Variants in ZFHX3 observed in about 807,000 individuals in gnomAD.
ZFHX3 encodes zinc finger homeobox protein 3.
A neutral mutation model predicts 279.1 loss-of-function variants in ZFHX3; 42 were observed. The observed-to-expected ratio is 0.15, with a 90% confidence interval of 0.12 to 0.19. ZFHX3 has a LOEUF of 0.19. Ranked by LOEUF, ZFHX3 falls within the 10% of genes least tolerant of loss-of-function variation. ZFHX3 has a pLI of 1.00. For missense variants in ZFHX3, 4,981 were observed against 4,754.0 expected (o/e 1.05, Z -1.40); for synonymous variants, 2,293 against 1,957.8 (o/e 1.17, Z -4.52).
At chr16:73,214,348 G>A (rs77956859) in intron 5 of ZFHX3, among the ~76,000 whole-genome samples, 6,216 of 152,218 alleles carry the variant, frequency 0.041, 416 homozygotes, top group African/African-American at 0.14. Context: ...GCTATGGGGT[G>A]CCCTGTATTT....
intron 3 of ZFHX3, among the ~76,000 whole-genome samples, chr16:73,368,920 A>T (rs917542009): frequency 2.0e-5 from 3 of 152,204 alleles, no homozygotes; most frequent in Non-Finnish European, 2.9e-5. Context: ...ACAGCTGATA[A>T]ATGGCACAGC....
chr16:73,608,821 T>A (rs2052217132), intron 2 of ZFHX3: 1 of 152,102 alleles, frequency 6.6e-6, no homozygotes, highest in Non-Finnish European at 1.5e-5. Flanking sequence ...AAGGTATTTT[T>A]AAAAAAACAA....
At chr16:73,369,840 TTCTCTCTC>T (rs141368995) in intron 3 of ZFHX3, among the ~76,000 whole-genome samples, 1 of 143,622 alleles carries the variant, frequency 7.0e-6, no homozygotes, top group African/African-American at 2.6e-5. Flanking sequence ...GGATGGTCCT[TTCTCTCTC>T]TCTCTCTCTC....
chr16:73,036,343 C>A (rs1220083934), intron 1 of ZFHX3, among the ~76,000 whole-genome samples: 1 of 152,198 alleles, frequency 6.6e-6, no homozygotes, highest in Non-Finnish European at 1.5e-5. Context: ...GAAGGCCGGT[C>A]CAGAGGCACA....
At chr16:73,558,772 G>A (rs1233967495) in intron 2 of ZFHX3, among the ~76,000 whole-genome samples, 3 of 146,000 alleles carry the variant, frequency 2.1e-5, no homozygotes. Context: ...GAGTTCAGTG[G>A]CACCATGTCG....
chr16:73,835,915 T>C (rs1961134943), intron 1 of ZFHX3, among the ~76,000 whole-genome samples: 1 of 152,210 alleles, frequency 6.6e-6, no homozygotes, highest in African/African-American at 2.4e-5. Flanking sequence ...TTACTACTTT[T>C]TCCACATCCT....
intron 8 of ZFHX3, among the ~76,000 whole-genome samples, chr16:73,084,305 T>A (rs1161589308): frequency 6.6e-6 from 1 of 152,112 alleles, no homozygotes; most frequent in African/African-American, 2.4e-5. Context: ...GTCAAATTAT[T>A]ACTGTTTGTA....
intron 1 of ZFHX3, among the ~76,000 whole-genome samples, chr16:73,026,036 T>A (rs1215300259): frequency 6.6e-6 from 1 of 151,728 alleles, no homozygotes; most frequent in Admixed American, 6.6e-5. Context: ...GTCTTGGCAG[T>A]CTCCGATAGG....
intron 3 of ZFHX3, among the ~76,000 whole-genome samples, chr16:73,383,877 T>C (rs1208613139): frequency 6.6e-6 from 1 of 152,202 alleles, no homozygotes; most frequent in Non-Finnish European, 1.5e-5. Context: ...AAACACACAT[T>C]TCTGCACACC....
chr16:72,966,251 C>G (rs1014097733), intron 1 of ZFHX3, among the ~76,000 whole-genome samples: 1 of 152,062 alleles, frequency 6.6e-6, no homozygotes, highest in Admixed American at 6.5e-5. Context: ...ACGGTGGAAT[C>G]AAGACTGAGG....
chr16:73,417,580 A>G (rs1375866217), intron 3 of ZFHX3, among the ~76,000 whole-genome samples: 2 of 151,592 alleles, frequency 1.3e-5, no homozygotes, highest in Non-Finnish European at 2.9e-5. Context: ...GATTTTTATC[A>G]TTGGGGAAGT....
At chr16:73,006,955 C>T (rs1453178649) in intron 1 of ZFHX3, among the ~76,000 whole-genome samples, 1 of 152,144 alleles carries the variant, frequency 6.6e-6, no homozygotes. Flanking sequence ...CTGTCGAGTC[C>T]ACAGGTCCTT....
chr16:73,487,430 TCTCGATCTG>T, intron 2 of ZFHX3: 1 of 430,282 alleles, frequency 2.3e-6, no homozygotes, highest in Non-Finnish European at 4.6e-6. Context: ...TTTGGCAGAG[TCTCGATCTG>T]TTGCCCAGGC....
chr16:73,842,148 G>A (rs932096166), intron 1 of ZFHX3, among the ~76,000 whole-genome samples: 1 of 151,998 alleles, frequency 6.6e-6, no homozygotes, highest in East Asian at 1.9e-4. Flanking sequence ...TCTGGGAGGT[G>A]GAGGTTGCAG....
intron 2 of ZFHX3, among the ~76,000 whole-genome samples, chr16:73,493,101 T>C (rs1395812733): frequency 6.6e-6 from 1 of 152,130 alleles, no homozygotes; most frequent in East Asian, 1.9e-4. Flanking sequence ...TCTGCCCGTA[T>C]CCACCTCTCT....
chr16:73,270,556 G>A (rs1230124116), intron 4 of ZFHX3, among the ~76,000 whole-genome samples: 1 of 152,180 alleles, frequency 6.6e-6, no homozygotes, highest in African/African-American at 2.4e-5. Context: ...GCAAGATGGT[G>A]GCTCTTGTTC....
At chr16:73,450,654 T>C (rs2018268413) in intron 3 of ZFHX3, among the ~76,000 whole-genome samples, 1 of 152,234 alleles carries the variant, frequency 6.6e-6, no homozygotes, top group Non-Finnish European at 1.5e-5. Context: ...TTCTTTTCTC[T>C]TGATGCTGCC....
At chr16:73,414,392 T>C (rs1260701428) in intron 3 of ZFHX3, among the ~76,000 whole-genome samples, 1 of 152,268 alleles carries the variant, frequency 6.6e-6, no homozygotes, top group Non-Finnish European at 1.5e-5. Context: ...TGTCCCTGTC[T>C]GTAAAGAACT....
In ZFHX3 at chr16:72,797,396, T is replaced by C. The variant is rs113529778; in HGVS notation, c.5286A>G (p.Gln1762=). 3 of 1,609,136 alleles carry C rather than the reference T, an allele frequency of 1.9e-6. No individual in the cohort carries two copies. Among genetic ancestry groups the C allele is most frequent in the South Asian group, 2.2e-5 (2 of 89,440 alleles). The stretch of plus-strand genomic sequence containing the variant: ...GCTGAGACTGGATCAGGGCAGCCTG[T>C]TGCTGCAGCTCCTGCTGCAGGTGAG... The part of the protein sequence containing the change: ...VQAHLQQELQ[Q]QAALIQSQLF... The change falls in exon 9 of 10, where the codon CAA becomes CAG. Residue 1762 remains glutamine, a synonymous_variant. Transcript: ENST00000268489.
Sources: gnomAD v4.1 joint callset for allele counts (sites outside exome capture counted in the v4.1 genomes callset) on GRCh38, gnomAD v4.1.1 for gene constraint, MANE v1.5 for transcripts, NCBI Gene and HGNC (gene_info 2026-07-23, HGNC 2026-07-21) for gene names.